The following OLA1 variants were observed in gnomAD, a reference collection of about 807,000 sequenced individuals.
OLA1 encodes the protein obg-like ATPase 1.
Under a neutral mutation model 48.4 loss-of-function variants are expected in OLA1, and 14 were observed. That is an observed-to-expected ratio of 0.29 (90% CI 0.19 to 0.45). OLA1 has a LOEUF of 0.45. Ranked by LOEUF, OLA1 falls within the 20% of genes least tolerant of loss-of-function variation. The pLI, the probability that OLA1 is intolerant of heterozygous loss-of-function variation, is 1.00. For missense variants in OLA1, 325 were observed against 467.1 expected (o/e 0.70, Z 2.80); for synonymous variants, 127 against 150.4 (o/e 0.84, Z 1.14).
chr2:174,163,711 AATATATATATATATATATATATAT>A (rs58320338), intron 4 of OLA1, among the ~76,000 whole-genome samples: 947 of 34,248 alleles, frequency 0.028, 21 homozygotes, highest in Non-Finnish European at 0.032. Flanking sequence ...TAAATAAATA[AATATATATATATATATATATATAT>A]ATATATATAT....
chr2:174,234,173 T>C (rs1345958393), intron 2 of OLA1, among the ~76,000 whole-genome samples: 1 of 152,222 alleles, frequency 6.6e-6, no homozygotes, highest in Non-Finnish European at 1.5e-5. Context: ...ACCTTTATGA[T>C]GATCCACTTT....
chr2:174,217,667 C>T (rs964865259), intron 4 of OLA1, among the ~76,000 whole-genome samples: 1 of 152,120 alleles, frequency 6.6e-6, no homozygotes, highest in African/African-American at 2.4e-5. Context: ...CAAGAGTTTC[C>T]TCACAGCCCT....
intron 7 of OLA1, among the ~76,000 whole-genome samples, chr2:174,089,203 G>T (rs1241298885): frequency 2.0e-5 from 3 of 151,980 alleles, no homozygotes; most frequent in Non-Finnish European, 1.5e-5. Flanking sequence ...AAAAAGAAAA[G>T]AAAAAAGAAT....
At chr2:174,219,110 C>T (rs1688432757) in intron 4 of OLA1, among the ~76,000 whole-genome samples, 1 of 151,146 alleles carries the variant, frequency 6.6e-6, no homozygotes. Context: ...GCATGAGCCA[C>T]CACACCTGGG....
At chr2:174,168,478 C>T (rs559588016) in intron 4 of OLA1, among the ~76,000 whole-genome samples, 264 of 152,116 alleles carry the variant, frequency 1.7e-3, no homozygotes, top group African/African-American at 5.8e-3. Context: ...GTCCAGGATA[C>T]AATCTAAAAT....
At chr2:174,107,375 G>C (rs1685539338) in intron 7 of OLA1, among the ~76,000 whole-genome samples, 1 of 152,058 alleles carries the variant, frequency 6.6e-6, no homozygotes, top group Non-Finnish European at 1.5e-5. Flanking sequence ...CTGCTGTTTG[G>C]AGCACAGCAA....
chr2:174,166,565 A>C (rs1336225473), intron 4 of OLA1, among the ~76,000 whole-genome samples: 4 of 152,182 alleles, frequency 2.6e-5, no homozygotes, highest in Non-Finnish European at 4.4e-5. Context: ...GTTTACTTGA[A>C]TGGGTCTCTG....
intron 5 of OLA1, among the ~76,000 whole-genome samples, chr2:174,137,717 C>T (rs1327426701): frequency 6.6e-6 from 1 of 152,240 alleles, no homozygotes; most frequent in African/African-American, 2.4e-5. Context: ...GAAACAACCT[C>T]TGTAAGCTTC....
intron 4 of OLA1, among the ~76,000 whole-genome samples, chr2:174,161,349 A>C (rs1373149580): frequency 6.6e-6 from 1 of 152,250 alleles, no homozygotes; most frequent in African/African-American, 2.4e-5. Context: ...ATAAATATGC[A>C]TGTGACTAGC....
chr2:174,144,939 A>T (rs1385583675), intron 4 of OLA1, among the ~76,000 whole-genome samples: 7 of 56,360 alleles, frequency 1.2e-4, no homozygotes, highest in South Asian at 1.9e-3. Flanking sequence ...TTAAAAAAAA[A>T]AAAAAAAAAA....
chr2:174,214,921 G>A (rs1211919718), intron 4 of OLA1, among the ~76,000 whole-genome samples: 1 of 151,952 alleles, frequency 6.6e-6, no homozygotes, highest in Non-Finnish European at 1.5e-5. Flanking sequence ...ATGGTGGCAG[G>A]TGACTGGAAT....
chr2:174,148,457 A>G (rs570594285), intron 4 of OLA1, among the ~76,000 whole-genome samples: 1 of 152,362 alleles, frequency 6.6e-6, no homozygotes, highest in South Asian at 2.1e-4. Context: ...ATACTCACAT[A>G]ATGCGTAACT....
At chr2:174,095,331 T>G (rs901714779) in intron 7 of OLA1, among the ~76,000 whole-genome samples, 6 of 108,136 alleles carry the variant, frequency 5.5e-5, no homozygotes, top group Admixed American at 3.7e-4. Context: ...TCCTGTTTTT[T>G]TTTTTTTTTT....
intron 4 of OLA1, among the ~76,000 whole-genome samples, chr2:174,190,022 C>A (rs771112757): frequency 6.6e-6 from 1 of 152,064 alleles, no homozygotes; most frequent in African/African-American, 2.4e-5. Flanking sequence ...GCTGTGGAGG[C>A]CCTCCAGGAG....
At chr2:174,208,218 T>C (rs377149292) in intron 4 of OLA1, among the ~76,000 whole-genome samples, 14 of 152,272 alleles carry the variant, frequency 9.2e-5, no homozygotes, top group African/African-American at 3.4e-4. Flanking sequence ...CCATTCAAAT[T>C]AATGGGTCAG....
intron 5 of OLA1, among the ~76,000 whole-genome samples, chr2:174,139,885 G>GAA (rs1686401797): frequency 7.8e-6 from 1 of 128,212 alleles, no homozygotes; most frequent in Admixed American, 7.8e-5. Context: ...AAAAAAGAAA[G>GAA]AAAGAAAGAA....
chr2:174,218,126 C>A (rs545322107), intron 4 of OLA1, among the ~76,000 whole-genome samples: 9 of 152,236 alleles, frequency 5.9e-5, no homozygotes, highest in African/African-American at 2.2e-4. Flanking sequence ...CCTCGGGCCT[C>A]AGCCTTCTGA....
intron 7 of OLA1, among the ~76,000 whole-genome samples, chr2:174,093,500 CAACCAATCA>C (rs1685173800): frequency 6.6e-6 from 1 of 151,262 alleles, no homozygotes; most frequent in South Asian, 2.1e-4. Flanking sequence ...ACCAACCAAC[CAACCAATCA>C]AACACCGCCA....
rs192358184 is a variant in OLA1 at position 174,078,633 on chromosome 2, T to C, written c.1089+335A>G. Among the ~76,000 whole-genome samples, 23 of 152,100 alleles carry C rather than the reference T, an allele frequency of 1.5e-4. No individual in the cohort carries two copies. In the East Asian group the frequency reaches 3.3e-3, roughly 22 times the overall value. On this transcript the variant is annotated intron_variant, in intron 10 of 10. Coordinates refer to ENST00000284719, the MANE Select transcript of OLA1 (RefSeq NM_013341.5). ...ATAAGCATATATATTATACTTCAGC[T>C]ATTCAAATGTAATAAGTACAATTTT...
Sources: allele counts gnomAD v4.1 joint callset (sites outside exome capture counted in the v4.1 genomes callset), GRCh38; gene constraint gnomAD v4.1.1; transcripts MANE v1.5; gene names NCBI Gene and HGNC (gene_info 2026-07-23, HGNC 2026-07-21).